Variants in ERI3 observed in about 807,000 individuals in gnomAD.
The protein encoded by ERI3 is ERI1 exoribonuclease family member 3.
In ERI3, 18 loss-of-function variants were observed where a neutral mutation model predicts 44.4. The ratio of observed to expected loss-of-function variants is 0.41; its 90% CI spans 0.28 to 0.60. ERI3 has a LOEUF of 0.60. Among genes scored for constraint, ERI3 ranks in the 20% least tolerant of loss-of-function variants. The probability of loss-of-function intolerance (pLI) is 0.36; values close to 1 mark genes in which losing one functional copy is unlikely to be tolerated. For synonymous variants in ERI3, 183 were observed against 164.8 expected (o/e 1.11, Z -0.84); for missense variants, 294 against 435.5 (o/e 0.68, Z 2.89).
intron 8 of ERI3, among the ~76,000 whole-genome samples, chr1:44,224,595 G>A (rs979276086): frequency 1.3e-5 from 2 of 152,208 alleles, no homozygotes; most frequent in Non-Finnish European, 2.9e-5. Context: ...TGCACATGCT[G>A]TTCTTTATGC....
At chr1:44,301,946 T>C (rs1419539945) in intron 6 of ERI3, among the ~76,000 whole-genome samples, 2 of 152,238 alleles carry the variant, frequency 1.3e-5, no homozygotes, top group Non-Finnish European at 2.9e-5. Flanking sequence ...TCACTAAATA[T>C]GACTTTCAAC....
At chr1:44,281,697 A>G in intron 7 of ERI3, among the ~76,000 whole-genome samples, 1 of 151,094 alleles carries the variant, frequency 6.6e-6, no homozygotes, top group East Asian at 1.9e-4. Flanking sequence ...CTTTATGAAT[A>G]TGTATGTATA....
chr1:44,319,085 G>C (rs1263720101), intron 4 of ERI3, among the ~76,000 whole-genome samples: 2 of 152,206 alleles, frequency 1.3e-5, no homozygotes, highest in African/African-American at 4.8e-5. Context: ...GCCAAGTACA[G>C]TACCCACCTA....
At chr1:44,239,036 C>T (rs569274457) in intron 8 of ERI3, among the ~76,000 whole-genome samples, 1 of 151,794 alleles carries the variant, frequency 6.6e-6, no homozygotes, top group Non-Finnish European at 1.5e-5. Flanking sequence ...CCCCCTCCCC[C>T]CCCCAATCCA....
At chr1:44,279,537 A>G (rs969454513) in intron 7 of ERI3, among the ~76,000 whole-genome samples, 1 of 152,062 alleles carries the variant, frequency 6.6e-6, no homozygotes, top group Non-Finnish European at 1.5e-5. Context: ...TCAAATCTGT[A>G]TCTCTTATCT....
chr1:44,340,522 C>T (rs1646632276), intron 2 of ERI3, among the ~76,000 whole-genome samples: 1 of 152,134 alleles, frequency 6.6e-6, no homozygotes, highest in Admixed American at 6.5e-5. Context: ...CCTGTGAAGT[C>T]CAGCGCGTAC....
chr1:44,352,832 A>G lies in ERI3; in HGVS notation c.211+18T>C. On this transcript the variant is annotated intron_variant, in intron 2 of 8. Coordinates refer to ENST00000372257, the MANE Select transcript of ERI3 (RefSeq NM_024066.3). ...GAAGAAAATAAAGCCAGACTTGACC[A>G]TGCAACAGGATTCTCACCTCTCCTT... 1 of 1,614,076 alleles carries G rather than the reference A, an allele frequency of 6.2e-7. No individual in the cohort carries two copies. The highest frequency in any genetic ancestry group is 1.1e-5 in the South Asian group (1 of 91,068).
At chr1:44,324,470 T>C (rs1017759090) in intron 3 of ERI3, among the ~76,000 whole-genome samples, 2 of 146,144 alleles carry the variant, frequency 1.4e-5, no homozygotes, top group African/African-American at 5.0e-5. Context: ...TCCTGCAACA[T>C]AGACTCTTTT....
intron 3 of ERI3, among the ~76,000 whole-genome samples, chr1:44,332,299 C>CA (rs1448284855): frequency 3.3e-5 from 5 of 151,980 alleles, no homozygotes; most frequent in Admixed American, 1.3e-4. Context: ...GCCCAGTGCC[C>CA]AAAAAAATCT....
intron 7 of ERI3, among the ~76,000 whole-genome samples, chr1:44,269,183 T>C (rs969718141): frequency 6.6e-6 from 1 of 152,208 alleles, no homozygotes; most frequent in Non-Finnish European, 1.5e-5. Context: ...TAAGTTTCCA[T>C]GAATGATCTC....
At chr1:44,352,422 ATAG>A (rs1646912690) in intron 2 of ERI3, among the ~76,000 whole-genome samples, 1 of 129,452 alleles carries the variant, frequency 7.7e-6, no homozygotes, top group Non-Finnish European at 1.7e-5. Context: ...AGATAGATAG[ATAG>A]ATAGATAGAT....
chr1:44,338,649 G>T (rs548206067), intron 3 of ERI3, among the ~76,000 whole-genome samples: 1 of 152,206 alleles, frequency 6.6e-6, no homozygotes, highest in South Asian at 2.1e-4. Context: ...CAGTGCAGGA[G>T]GGGAACTACC....
intron 8 of ERI3, among the ~76,000 whole-genome samples, chr1:44,232,444 T>C (rs1228639384): frequency 2.0e-5 from 3 of 152,230 alleles, no homozygotes; most frequent in African/African-American, 7.2e-5. Flanking sequence ...GGAAGAAATA[T>C]AGCTTTACTA....
At chr1:44,243,526 T>C (rs1190972491) in intron 8 of ERI3, 3 of 152,226 alleles carry the variant, frequency 2.0e-5, no homozygotes, top group Non-Finnish European at 4.4e-5. Context: ...AGTGTGTGTT[T>C]TGAACACTCA....
chr1:44,346,387 T>C (rs1646783339), intron 2 of ERI3, among the ~76,000 whole-genome samples: 1 of 152,210 alleles, frequency 6.6e-6, no homozygotes, highest in African/African-American at 2.4e-5. Flanking sequence ...AAGAGGCAAT[T>C]GTTTGTGATT....
intron 4 of ERI3, among the ~76,000 whole-genome samples, chr1:44,313,689 C>G (rs571866988): frequency 6.6e-6 from 1 of 152,106 alleles, no homozygotes; most frequent in Non-Finnish European, 1.5e-5. Flanking sequence ...TCAAGTCCAC[C>G]CCTTCTCTGA....
chr1:44,325,666 TTTTG>T (rs1646297816), intron 3 of ERI3, among the ~76,000 whole-genome samples: 3 of 152,228 alleles, frequency 2.0e-5, no homozygotes, highest in South Asian at 2.1e-4. Context: ...AATTCTGTTT[TTTTG>T]TTTGTTTTTG....
chr1:44,302,146 G>A (rs761976384), intron 6 of ERI3, among the ~76,000 whole-genome samples: 6 of 152,180 alleles, frequency 3.9e-5, no homozygotes, highest in African/African-American at 4.8e-5. Context: ...ATCTGCACAC[G>A]TTCACTCCAT....
At chr1:44,233,885 C>T (rs1224862403) in intron 8 of ERI3, among the ~76,000 whole-genome samples, 1 of 152,196 alleles carries the variant, frequency 6.6e-6, no homozygotes, top group African/African-American at 2.4e-5. Context: ...ACCTTGCGAT[C>T]TGATCACTGC....
Sources: allele counts gnomAD v4.1 joint callset (sites outside exome capture counted in the v4.1 genomes callset), GRCh38; gene constraint gnomAD v4.1.1; transcripts MANE v1.5; gene names NCBI Gene and HGNC (gene_info 2026-07-23, HGNC 2026-07-21).